NTM: variants seen among roughly 807,000 people sequenced by gnomAD.
NTM encodes the protein IgLON family member 2.
A neutral mutation model predicts 42.1 loss-of-function variants in NTM; 13 were observed. The observed-to-expected ratio is 0.31, with a 90% CI of 0.20 to 0.49. The LOEUF is 0.49. Ranked by LOEUF, NTM falls within the 20% of genes least tolerant of loss-of-function variation. The pLI, the probability that NTM is intolerant of heterozygous loss-of-function variation, is 0.99. For missense variants in NTM, 373 were observed against 452.8 expected, an observed-to-expected ratio of 0.82 and a Z score of 1.60; for synonymous variants, 187 against 179.2, an observed-to-expected ratio of 1.04 and a Z score of -0.35.
intron 1 of NTM, among the ~76,000 whole-genome samples, chr11:131,809,982 T>TTTAAATTAAA (rs2092672234): frequency 6.6e-6 from 1 of 152,212 alleles, no homozygotes; most frequent in South Asian, 2.1e-4. Context: ...AACTTATCAC[T>TTTAAATTAAA]CTTTCCTTTA....
At chr11:131,437,710 G>A (rs574809140) in intron 1 of NTM, among the ~76,000 whole-genome samples, 1 of 152,184 alleles carries the variant, frequency 6.6e-6, no homozygotes, top group Non-Finnish European at 1.5e-5. Context: ...CCTGAATAGA[G>A]CATACTGATG....
intron 3 of NTM, among the ~76,000 whole-genome samples, chr11:132,207,800 G>C (rs141307957): frequency 6.6e-6 from 1 of 152,092 alleles, no homozygotes; most frequent in East Asian, 1.9e-4. Flanking sequence ...CTTAACTTAG[G>C]CATCACATAT....
chr11:131,568,711 T>C (rs940324633), intron 1 of NTM, among the ~76,000 whole-genome samples: 1 of 152,140 alleles, frequency 6.6e-6, no homozygotes, highest in Non-Finnish European at 1.5e-5. Context: ...CTCACCTCTC[T>C]GATGGTTTCT....
At chr11:131,885,858 A>G (rs1378781950) in intron 1 of NTM, among the ~76,000 whole-genome samples, 1 of 152,220 alleles carries the variant, frequency 6.6e-6, no homozygotes, top group Non-Finnish European at 1.5e-5. Context: ...CATGGTGGCC[A>G]CTGAAGACCA....
intron 4 of NTM, among the ~76,000 whole-genome samples, chr11:132,243,137 A>G (rs1015933689): frequency 6.6e-6 from 1 of 152,070 alleles, no homozygotes; most frequent in Non-Finnish European, 1.5e-5. Context: ...TCCCTTCTCA[A>G]TGTTTTTGGC....
intron 1 of NTM, among the ~76,000 whole-genome samples, chr11:131,583,363 T>C (rs1325127507): frequency 6.6e-6 from 1 of 152,174 alleles, no homozygotes; most frequent in Admixed American, 6.5e-5. Context: ...TTGTGGCAAA[T>C]AGATATTAAA....
chr11:132,066,941 A>G (rs1437146655), intron 2 of NTM, among the ~76,000 whole-genome samples: 1 of 148,988 alleles, frequency 6.7e-6, no homozygotes, highest in African/African-American at 2.5e-5. Context: ...TAGGATGTGC[A>G]TGGCTTTTGT....
intron 1 of NTM, among the ~76,000 whole-genome samples, chr11:131,567,075 G>A (rs933295370): frequency 2.0e-5 from 3 of 152,064 alleles, no homozygotes; most frequent in Admixed American, 6.6e-5. Context: ...CTGGGGAGAT[G>A]GGCACGTTTG....
intron 1 of NTM, among the ~76,000 whole-genome samples, chr11:131,720,815 A>C (rs1376300253): frequency 1.3e-5 from 2 of 152,152 alleles, no homozygotes; most frequent in Non-Finnish European, 1.5e-5. Flanking sequence ...TCTTGGGTAA[A>C]TTACCTAGCC....
chr11:131,551,478 T>G (rs2054661431), intron 1 of NTM, among the ~76,000 whole-genome samples: 1 of 151,702 alleles, frequency 6.6e-6, no homozygotes, highest in South Asian at 2.1e-4. Flanking sequence ...GATCTCCCTC[T>G]TGGAATTCAA....
intron 3 of NTM, among the ~76,000 whole-genome samples, chr11:132,204,673 G>C (rs1232968888): frequency 1.3e-5 from 2 of 152,188 alleles, no homozygotes; most frequent in Non-Finnish European, 2.9e-5. Context: ...GAATGCTGTG[G>C]GAAGAGCATG....
chr11:131,448,351 G>A (rs748679073), intron 1 of NTM, among the ~76,000 whole-genome samples: 7 of 152,172 alleles, frequency 4.6e-5, no homozygotes, highest in African/African-American at 7.2e-5. Flanking sequence ...CTCATCCCCA[G>A]GGGGTTCACT....
chr11:131,447,767 A>C (rs569503497), intron 1 of NTM, among the ~76,000 whole-genome samples: 2 of 152,194 alleles, frequency 1.3e-5, no homozygotes, highest in South Asian at 4.1e-4. Flanking sequence ...GGGAAGGGAG[A>C]GAAGAGGGGA....
At chr11:131,466,443 C>T (rs1197663985) in intron 1 of NTM, among the ~76,000 whole-genome samples, 1 of 152,186 alleles carries the variant, frequency 6.6e-6, no homozygotes, top group Non-Finnish European at 1.5e-5. Context: ...ATCTAAGATG[C>T]ACAAACTTGC....
intron 2 of NTM, among the ~76,000 whole-genome samples, chr11:132,104,935 A>ACGTGTG (rs1555263244): frequency 2.0e-4 from 4 of 20,008 alleles, no homozygotes; most frequent in African/African-American, 7.6e-4. Flanking sequence ...ATATATACAT[A>ACGTGTG]TGTATATATA....
intron 2 of NTM, among the ~76,000 whole-genome samples, chr11:132,029,074 G>A (rs200868435): frequency 7.1e-6 from 1 of 140,896 alleles, no homozygotes; most frequent in Non-Finnish European, 1.5e-5. Flanking sequence ...TTTTTTTTTT[G>A]TTTTGTTTTG....
chr11:132,000,238 T>C (rs1474576484), intron 2 of NTM, among the ~76,000 whole-genome samples: 1 of 152,230 alleles, frequency 6.6e-6, no homozygotes, highest in Non-Finnish European at 1.5e-5. Flanking sequence ...CTTACTGCCC[T>C]GTTCCAATAG....
intron 4 of NTM, among the ~76,000 whole-genome samples, chr11:132,292,390 C>A (rs2094474791): frequency 6.6e-6 from 1 of 152,130 alleles, no homozygotes; most frequent in African/African-American, 2.4e-5. Context: ...GACGGCTTCT[C>A]TATTCTCCCT....
At chr11:131,430,622 G>C (rs1323983528) in intron 1 of NTM, among the ~76,000 whole-genome samples, 1 of 152,222 alleles carries the variant, frequency 6.6e-6, no homozygotes, top group East Asian at 1.9e-4. Context: ...TACACAAAGG[G>C]AAGAGGCAAG....
Sources: allele counts gnomAD v4.1 joint callset (sites outside exome capture counted in the v4.1 genomes callset), GRCh38; gene constraint gnomAD v4.1.1; transcripts MANE v1.5; gene names NCBI Gene and HGNC (gene_info 2026-07-23, HGNC 2026-07-21).